Variants in NUBP1 observed in about 807,000 individuals in gnomAD.
NUBP1 encodes NUBP iron-sulfur cluster assembly factor 1, cytosolic, also known as cytosolic Fe-S cluster assembly factor NUBP1.
A neutral mutation model predicts 41.8 loss-of-function variants in NUBP1; 46 were observed. The ratio of observed to expected loss-of-function variants is 1.10; its 90% CI spans 0.87 to 1.41. The LOEUF (loss-of-function observed/expected upper bound fraction) is 1.41, where lower values mean the gene tolerates loss of function less well. NUBP1 is among the 40% of genes most tolerant of loss of function. The pLI, the probability that NUBP1 is intolerant of heterozygous loss-of-function variation, is 0.00. For missense variants in NUBP1, 494 were observed against 414.0 expected (o/e 1.19, Z -1.68); for synonymous variants, 189 against 154.6 (o/e 1.22, Z -1.65).
chr16:10,746,984 T>A (rs1412921006), intron 2 of NUBP1, among the ~76,000 whole-genome samples, 159 bp from the exon 3 acceptor site: 1 of 152,168 alleles, frequency 6.6e-6, no homozygotes, highest in Non-Finnish European at 1.5e-5. Context: ...TTCCTAGCAC[T>A]TATTTCTACC....
At chr16:10,761,499 C>T (rs768217453) in intron 8 of NUBP1, 25 bp downstream of exon 8, 30 of 1,579,144 alleles carry the variant, frequency 1.9e-5, no homozygotes, top group East Asian at 6.7e-5. Context: ...GGCTGCCAGG[C>T]GAGCAAGATC....
Position 10,766,877 on chromosome 16 carries a change from A to T in NUBP1, c.821-1072A>T, listed in dbSNP as rs1567269012. ...TTACGGCATACGTCCTATGGAGAGG[A>T]CATTTCCTGTTATGGCTCAAGTGCG... On this transcript the variant is annotated intron_variant, in intron 9 of 10. Coordinates refer to ENST00000283027, the MANE Select transcript of NUBP1 (RefSeq NM_002484.4). This position sits in a 1 kb window ranked among gnomAD's most constrained non-coding sequence, Gnocchi z 4.8. 1.0e-5 allele frequency: 4 copies of T among 398,412 alleles called. No individual in the cohort carries two copies. The highest frequency in any genetic ancestry group is 1.8e-5 in the Non-Finnish European group (4 of 226,074). 24.7% of individuals were successfully genotyped at this position (398,412 alleles called of 1,614,324 possible). A position where few individuals can be genotyped will look rare whatever the true frequency, so the allele number is the denominator to read the frequency against.
chr16:10,751,522 T>C (rs1248220068), intron 3 of NUBP1, among the ~76,000 whole-genome samples: 2 of 151,962 alleles, frequency 1.3e-5, no homozygotes, highest in Non-Finnish European at 2.9e-5. Flanking sequence ...TTGAAGAGGG[T>C]GGCAAGAAAC....
intron 9 of NUBP1, chr16:10,763,891 G>A: frequency 5.8e-6 from 1 of 173,644 alleles, no homozygotes; most frequent in South Asian, 9.8e-5. Context: ...TCAGCCCAAG[G>A]GAGCATCCCA....
chr16:10,766,775 G>A lies in NUBP1; in HGVS notation c.821-1174G>A, dbSNP rs528396271. 1 of 397,026 alleles carries A rather than the reference G, an allele frequency of 2.5e-6. No individual in the cohort carries two copies. The highest frequency in any genetic ancestry group is 3.6e-5 in the East Asian group (1 of 28,054). The allele number at this position is 397,026 out of a possible 1,614,324, so 24.6% of individuals were successfully genotyped here. A position where few individuals can be genotyped will look rare whatever the true frequency, so the allele number is the denominator to read the frequency against. On this transcript the variant is annotated intron_variant, in intron 9 of 10. Coordinates refer to ENST00000283027, the MANE Select transcript of NUBP1 (RefSeq NM_002484.4). This position sits in a 1 kb window ranked among gnomAD's most constrained non-coding sequence, Gnocchi z 4.8. The stretch of plus-strand genomic sequence containing the variant: ...AGGGGCTCAAAGGCCCCATTACAGA[G>A]TTTTTGTGTTTAAATACCCTCTACT...
At chr16:10,748,007 C>T (rs1295118091) in intron 3 of NUBP1, among the ~76,000 whole-genome samples, 2 of 152,128 alleles carry the variant, frequency 1.3e-5, no homozygotes, top group Non-Finnish European at 2.9e-5. Flanking sequence ...AAGTGCATTG[C>T]TATGATCAGG....
chr16:10,760,508 G>A (rs1318128658), intron 7 of NUBP1, among the ~76,000 whole-genome samples: 1 of 152,238 alleles, frequency 6.6e-6, no homozygotes, highest in Non-Finnish European at 1.5e-5. Context: ...CACTCTGGGA[G>A]GCCGAGGCAG....
rs1047751937 is a variant in NUBP1 at position 10,767,832 on chromosome 16, G to T, written c.821-117G>T. ...TCTTTTCTACTTTGTTCTTCATTAC[G>T]AGTGAAGCGGGCTCAAGATCTTCCC... On this transcript the variant is annotated intron_variant, in intron 9 of 10. Transcript: ENST00000283027. This position sits in a 1 kb window ranked among gnomAD's most constrained non-coding sequence, Gnocchi z 4.6. 9 of 916,076 alleles carry T rather than the reference G, an allele frequency of 9.8e-6. No individual in the cohort carries two copies. Among genetic ancestry groups the T allele is most frequent in the South Asian group, 1.4e-5 (1 of 70,444 alleles). The allele number at this position is 916,076 out of a possible 1,614,324, so 56.7% of individuals were successfully genotyped here. A position where few individuals can be genotyped will look rare whatever the true frequency, so the allele number is the denominator to read the frequency against.
intron 9 of NUBP1, among the ~76,000 whole-genome samples, chr16:10,763,058 C>G (rs910379675): frequency 4.6e-5 from 7 of 152,048 alleles, no homozygotes; most frequent in African/African-American, 1.7e-4. Context: ...GTGACGGCAT[C>G]TGAGGGTCAA....
Position 10,751,903 on chromosome 16 carries a change from C to G in NUBP1, c.259-707C>G, listed in dbSNP as rs2142691683. 3.3e-5 allele frequency among the ~76,000 whole-genome samples: 5 copies of G among 152,318 alleles called. No homozygotes were observed. The Middle Eastern group carries it at 0.014, about 414-fold the overall frequency. ...AGAGCCCCAGTTGGGGCCGAAAGAC[C>G]TCAGTTTATGTCCCAGCTCTGTTCC... On this transcript the variant is annotated intron_variant, in intron 3 of 10. Coordinates refer to ENST00000283027, the MANE Select transcript of NUBP1 (RefSeq NM_002484.4).
In NUBP1 at chr16:10,768,885, CG is replaced by C. The variant is rs2031290010; in HGVS notation, c.905-160del. The C allele has an allele frequency of 1.1e-5, 7 of 616,802 alleles. No individual in the cohort carries two copies. In the East Asian group the frequency reaches 1.9e-4, roughly 17 times the overall value. The allele number at this position is 616,802 out of a possible 1,614,324, so 38.2% of individuals were successfully genotyped here. ...GCAAGATGGGTAGTGTGAGGTATTC[CG>C]GTCACTTTCAAAGACTCAGGGCATC... On this transcript the variant is annotated intron_variant, in intron 10 of 10. Coordinates refer to ENST00000283027, the MANE Select transcript of NUBP1 (RefSeq NM_002484.4). The surrounding 1 kb of genome is among the most constrained non-coding windows in gnomAD (Gnocchi z 4.3).
At chr16:10,752,891 G>A (rs1900387623) in intron 4 of NUBP1, among the ~76,000 whole-genome samples, 1 of 152,204 alleles carries the variant, frequency 6.6e-6, no homozygotes, top group East Asian at 1.9e-4. Context: ...CACCTCCTGG[G>A]TTCAAGCGAT....
At chr16:10,756,399 AT>A (rs35326121) in intron 5 of NUBP1, among the ~76,000 whole-genome samples, 1 of 83,062 alleles carries the variant, frequency 1.2e-5, no homozygotes, top group African/African-American at 6.1e-5. Context: ...AAATAAAAAA[AT>A]AAAAGAGTTA....
At chr16:10,746,069 T>C (rs1187841467) in intron 2 of NUBP1, among the ~76,000 whole-genome samples, 2 of 152,242 alleles carry the variant, frequency 1.3e-5, no homozygotes, top group African/African-American at 2.4e-5. Flanking sequence ...ATGGGGCCTT[T>C]GGCCTTTTGC....
intron 3 of NUBP1, among the ~76,000 whole-genome samples, chr16:10,747,685 C>A (rs1464077007): frequency 6.6e-6 from 1 of 152,196 alleles, no homozygotes; most frequent in African/African-American, 2.4e-5. Flanking sequence ...TCTTTGGAAT[C>A]TCAATCCGGC....
chr16:10,747,541 A>G (rs1487427711), intron 3 of NUBP1, among the ~76,000 whole-genome samples: 1 of 152,252 alleles, frequency 6.6e-6, no homozygotes, highest in African/African-American at 2.4e-5. Context: ...AGGATGAGCC[A>G]TGAGAATCGC....
chr16:10,754,037 G>A (rs1036936928), intron 4 of NUBP1, among the ~76,000 whole-genome samples: 15 of 151,978 alleles, frequency 9.9e-5, no homozygotes, highest in African/African-American at 3.6e-4. Flanking sequence ...CCACAGTGAA[G>A]GTATAAGCTA....
Position 10,765,345 on chromosome 16 carries a change from A to AG in NUBP1, c.821-2604_821-2603insG, listed in dbSNP as rs2030714834. Among the ~76,000 whole-genome samples the AG allele has an allele frequency of 1.3e-5, 2 of 151,386 alleles. No individual in the cohort carries two copies. The highest frequency in any genetic ancestry group is 1.3e-4 in the Admixed American group (2 of 15,168). On this transcript the variant is annotated intron_variant, in intron 9 of 10. Transcript: ENST00000283027. The surrounding 1 kb of genome is among the most constrained non-coding windows in gnomAD (Gnocchi z 4.0). ...CATCTCTTAAAAAAAAAAAAAAAAA[A>AG]AAAAGGAAAAAATTCACCCAGTGTG...
At position 10,768,928 on chromosome 16, in the gene NUBP1, T is replaced by A; in HGVS notation, c.905-119T>A. ...CAGGGCATCACAGACACAGGTCTTT[T>A]TATGGAACTAGCCAGAGGATTCCAC... is the stretch of plus-strand genomic sequence containing the variant. On this transcript the variant is annotated intron_variant, in intron 10 of 10. Coordinates refer to ENST00000283027, the MANE Select transcript of NUBP1 (RefSeq NM_002484.4). This position sits in a 1 kb window ranked among gnomAD's most constrained non-coding sequence, Gnocchi z 4.3. 1 of 831,276 alleles carries A rather than the reference T, an allele frequency of 1.2e-6. No homozygotes were observed. Among genetic ancestry groups the A allele is most frequent in the South Asian group, 1.6e-5 (1 of 61,626 alleles). The allele number at this position is 831,276 out of a possible 1,614,324, so 51.5% of individuals were successfully genotyped here.
Sources: gnomAD v4.1 joint callset for allele counts (sites outside exome capture counted in the v4.1 genomes callset) on GRCh38, gnomAD v4.1.1 for gene constraint, Gnocchi (gnomAD v3.1) non-coding constraint, MANE v1.5 for transcripts, NCBI Gene and HGNC (gene_info 2026-07-23, HGNC 2026-07-21) for gene names.